The following RFC3 variants were observed in gnomAD, a reference collection of about 807,000 sequenced individuals.
RFC3 encodes replication factor C subunit 3.
Under a neutral mutation model 45.1 loss-of-function variants are expected in RFC3, and 41 were observed. That is an observed-to-expected ratio of 0.91 (90% CI 0.71 to 1.18). The LOEUF (loss-of-function observed/expected upper bound fraction) is 1.18. Ranked by LOEUF, RFC3 falls within the 50% of genes most tolerant of loss-of-function variation. RFC3 has a pLI of 0.00. For missense variants in RFC3, 423 were observed against 428.1 expected, an observed-to-expected ratio of 0.99 and a Z score of 0.10; for synonymous variants, 149 against 144.0, an observed-to-expected ratio of 1.03 and a Z score of -0.25.
chr13:33,928,121 T>C (rs1400450508), intron 8 of RFC3, among the ~76,000 whole-genome samples: 1 of 152,074 alleles, frequency 6.6e-6, no homozygotes, highest in Non-Finnish European at 1.5e-5. Context: ...CGCAGTGAAG[T>C]GACTGCTGGT....
intron 8 of RFC3, among the ~76,000 whole-genome samples, chr13:33,951,432 C>T (rs866687339): frequency 2.6e-5 from 4 of 151,928 alleles, no homozygotes; most frequent in Admixed American, 6.6e-5. Context: ...GGGGTTTCAC[C>T]GTGTGAGCCA....
chr13:33,920,420 CTTTTTTTTT>C (rs777079510), intron 8 of RFC3, among the ~76,000 whole-genome samples: 2,174 of 83,232 alleles, frequency 0.026, 76 homozygotes, highest in African/African-American at 0.1. Context: ...TACAACCACA[CTTTTTTTTT>C]TTTTTTTTTT....
chr13:33,951,079 T>C (rs2082987614), intron 8 of RFC3, among the ~76,000 whole-genome samples: 1 of 136,788 alleles, frequency 7.3e-6, no homozygotes, highest in African/African-American at 2.7e-5. Flanking sequence ...TCTGTCATAC[T>C]GTTATCAATA....
chr13:33,822,421 A>G (rs1281987635), intron 2 of RFC3, among the ~76,000 whole-genome samples: 3 of 152,216 alleles, frequency 2.0e-5, no homozygotes, highest in African/African-American at 7.2e-5. Flanking sequence ...TCCATATGGA[A>G]CGGTACATTT....
chr13:33,958,344 C>T (rs2137854210), intron 8 of RFC3, among the ~76,000 whole-genome samples: 1 of 152,290 alleles, frequency 6.6e-6, no homozygotes, highest in African/African-American at 2.4e-5. Flanking sequence ...TTTGAATTGT[C>T]ATAGACCCAT....
intron 8 of RFC3, among the ~76,000 whole-genome samples, chr13:33,957,819 C>G (rs981932072): frequency 1.3e-5 from 2 of 152,112 alleles, no homozygotes; most frequent in African/African-American, 2.4e-5. Flanking sequence ...GAGTCTTTCT[C>G]CAGTCTTGCC....
At chr13:33,953,444 G>A (rs1220973711) in intron 8 of RFC3, among the ~76,000 whole-genome samples, 2 of 151,672 alleles carry the variant, frequency 1.3e-5, no homozygotes, top group African/African-American at 4.8e-5. Context: ...CCTAGATAAT[G>A]AGAAAAGTTA....
intron 1 of RFC3, among the ~76,000 whole-genome samples, chr13:33,820,465 T>C (rs953908927): frequency 2.0e-5 from 3 of 152,192 alleles, no homozygotes; most frequent in African/African-American, 7.2e-5. Context: ...GGGTTAACAC[T>C]CTGGTGGGTG....
chr13:33,932,852 G>A (rs1310288610), intron 8 of RFC3, among the ~76,000 whole-genome samples: 1 of 152,128 alleles, frequency 6.6e-6, no homozygotes, highest in Non-Finnish European at 1.5e-5. Context: ...TCCTGACATT[G>A]TGACAACAAC....
At chr13:33,880,502 C>T (rs1052229829) in intron 8 of RFC3, among the ~76,000 whole-genome samples, 3 of 152,174 alleles carry the variant, frequency 2.0e-5, no homozygotes, top group Admixed American at 6.5e-5. Flanking sequence ...CGTTCTATAA[C>T]TGCACAGTCC....
At chr13:33,887,769 G>GT (rs1316684676) in intron 8 of RFC3, among the ~76,000 whole-genome samples, 14 of 151,002 alleles carry the variant, frequency 9.3e-5, no homozygotes, top group Non-Finnish European at 1.9e-4. Flanking sequence ...TAGGTCTAAT[G>GT]TTTAAGTCTT....
At chr13:33,825,975 G>C (rs533065749) in intron 4 of RFC3, 89 bp downstream of exon 4, 14 of 671,616 alleles carry the variant, frequency 2.1e-5, no homozygotes, top group Non-Finnish European at 3.2e-5. Context: ...CAGGAGAGAA[G>C]CCTGATCTCT....
intron 8 of RFC3, among the ~76,000 whole-genome samples, chr13:33,863,135 G>A (rs1025514541): frequency 4.6e-5 from 7 of 152,158 alleles, no homozygotes; most frequent in Admixed American, 4.6e-4. Context: ...GTTCCTTCCA[G>A]TCATAAAGTG....
At chr13:33,895,362 C>T (rs2082591121) in intron 8 of RFC3, among the ~76,000 whole-genome samples, 3 of 152,030 alleles carry the variant, frequency 2.0e-5, no homozygotes, top group Admixed American at 2.0e-4. Context: ...AGAAGATGTA[C>T]AAATGGCCAA....
chr13:33,972,885 G>T, the RFC3 span, among the ~76,000 whole-genome samples: 2 of 152,164 alleles, frequency 1.3e-5, no homozygotes, highest in South Asian at 4.1e-4. Context: ...AAGAGTGCAT[G>T]AAATAGAAAA....
At chr13:33,885,190 A>G (rs1026790649) in intron 8 of RFC3, among the ~76,000 whole-genome samples, 1 of 152,200 alleles carries the variant, frequency 6.6e-6, no homozygotes, top group Admixed American at 6.5e-5. Flanking sequence ...ACTGCATTCT[A>G]GTGTATGGAA....
At chr13:33,888,960 G>A (rs2082545974) in intron 8 of RFC3, among the ~76,000 whole-genome samples, 1 of 152,118 alleles carries the variant, frequency 6.6e-6, no homozygotes. Flanking sequence ...TAGCCAGGAT[G>A]GTCTCAATCT....
intron 8 of RFC3, among the ~76,000 whole-genome samples, chr13:33,858,939 A>G (rs2082323867): frequency 6.6e-6 from 1 of 152,126 alleles, no homozygotes. Flanking sequence ...AACTCCATTC[A>G]CAACATACAG....
chr13:33,837,215 T>G lies in RFC3; in HGVS notation c.*920T>G, dbSNP rs904669436. The stretch of plus-strand genomic sequence containing the variant: ...CCCAAAAAGTTCCCTCCATATCCCT[T>G]TGCAGTCAGTTCATCCCTACCCTGG... On this transcript the variant is annotated 3_prime_UTR_variant, in exon 9 of 9. Transcript: ENST00000380071. 5.4e-6 allele frequency: 1 copy of G among 183,600 alleles called. No individual in the cohort carries two copies. The highest frequency in any genetic ancestry group is 1.0e-5 in the Non-Finnish European group (1 of 96,992). 11.4% of individuals were successfully genotyped at this position (183,600 alleles called of 1,614,324 possible). A position where few individuals can be genotyped will look rare whatever the true frequency, so the allele number is the denominator to read the frequency against.
Sources: allele counts gnomAD v4.1 joint callset (sites outside exome capture counted in the v4.1 genomes callset), GRCh38; gene constraint gnomAD v4.1.1; transcripts MANE v1.5; gene names NCBI Gene and HGNC (gene_info 2026-07-23, HGNC 2026-07-21).